DDHD1: variants seen among roughly 807,000 people sequenced by gnomAD.
DDHD1 encodes phospholipase DDHD1.
A neutral mutation model predicts 96.4 loss-of-function variants in DDHD1; 49 were observed. That is an observed-to-expected ratio of 0.51 (90% CI 0.40 to 0.64). The LOEUF (loss-of-function observed/expected upper bound fraction) is 0.64, where lower values mean the gene tolerates loss of function less well. DDHD1 is among the 30% of genes least tolerant of loss of function. The pLI is 0.00. For missense variants in DDHD1, 1,106 were observed against 1,161.2 expected, an observed-to-expected ratio of 0.95 and a Z score of 0.69; for synonymous variants, 442 against 446.5, an observed-to-expected ratio of 0.99 and a Z score of 0.13.
At position 53,059,736 on chromosome 14, in the gene DDHD1, C is replaced by A. The variant is rs532784914; in HGVS notation, c.1843-1110G>T. 2.0e-5 allele frequency among the ~76,000 whole-genome samples: 3 copies of A among 149,458 alleles called. No individual in the cohort carries two copies. In the East Asian group the frequency reaches 6.0e-4, roughly 30 times the overall value. Reference sequence around the variant, plus strand: ...AAAATTAGCTGGGCGTGGTGGCGGGCACCTGTAATCCCAGCTACTCGGGAG... The same window carrying A: ...AAAATTAGCTGGGCGTGGTGGCGGGAACCTGTAATCCCAGCTACTCGGGAG... On this transcript the variant is annotated intron_variant, in intron 8 of 12. Transcript: ENST00000673822.
intron 1 of DDHD1, among the ~76,000 whole-genome samples, chr14:53,106,054 A>G (rs972649231): frequency 6.6e-6 from 1 of 151,956 alleles, no homozygotes; most frequent in Non-Finnish European, 1.5e-5. Context: ...TATCTGGTCA[A>G]TCCATTTAAA....
At chr14:53,138,142 T>C (rs1265426687) in intron 1 of DDHD1, among the ~76,000 whole-genome samples, 1 of 152,240 alleles carries the variant, frequency 6.6e-6, no homozygotes, top group Non-Finnish European at 1.5e-5. Flanking sequence ...CGGTGGCCCA[T>C]GCCTGTAATC....
At chr14:53,091,760 A>G (rs199638458) in intron 4 of DDHD1, 25 bp downstream of exon 4, 1 of 1,609,014 alleles carries the variant, frequency 6.2e-7, no homozygotes, top group Non-Finnish European at 8.5e-7. Flanking sequence ...GATTAGATAT[A>G]CAATGCATTC....
intron 7 of DDHD1, among the ~76,000 whole-genome samples, chr14:53,062,047 A>C (rs1196675539): frequency 6.6e-6 from 1 of 151,832 alleles, no homozygotes; most frequent in African/African-American, 2.4e-5. Flanking sequence ...AAAAAAAAAA[A>C]AAAAAAAAAA....
At chr14:53,079,585 T>C (rs984845991) in intron 4 of DDHD1, among the ~76,000 whole-genome samples, 11 of 152,220 alleles carry the variant, frequency 7.2e-5, no homozygotes, top group African/African-American at 2.7e-4. Flanking sequence ...ATCCTTTTTA[T>C]TTCTGTAAGT....
intron 6 of DDHD1, among the ~76,000 whole-genome samples, chr14:53,066,366 G>A (rs2139885677): frequency 6.6e-6 from 1 of 152,166 alleles, no homozygotes; most frequent in South Asian, 2.1e-4. Context: ...TGGTTGGGCT[G>A]GTCTCGAATT....
At chr14:53,080,122 G>A (rs184528248) in intron 4 of DDHD1, among the ~76,000 whole-genome samples, 2 of 152,174 alleles carry the variant, frequency 1.3e-5, no homozygotes, top group Non-Finnish European at 2.9e-5. Context: ...CACTTTGGGA[G>A]GCCAAGGCAG....
rs1417626495 is a variant in DDHD1, at chr14:53,153,012, G to A, written c.87C>T (p.Asp29=). ...CGCCGCCGCCGAACGCTGGCCTCGC[G>A]TCTGAGCCCAGCTCCCAGGCGCCGC... is the stretch of plus-strand genomic sequence containing the variant. ...GGGGAWELGS[D]ARPAFGGGVC... is the part of the protein sequence containing the mutation. The change falls in exon 1 of 13, where the codon GAC becomes GAT. Residue 29 remains aspartate, a synonymous_variant. Transcript: ENST00000673822. 1.3e-6 allele frequency: 2 copies of A among 1,529,598 alleles called. No individual in the cohort carries two copies. The highest frequency in any genetic ancestry group is 1.8e-6 in the Non-Finnish European group (2 of 1,141,704). 94.8% of individuals were successfully genotyped at this position (1,529,598 alleles called of 1,614,324 possible). A position where few individuals can be genotyped will look rare whatever the true frequency, so the allele number is the denominator to read the frequency against.
chr14:53,098,731 G>C (rs1887076896), intron 2 of DDHD1, among the ~76,000 whole-genome samples: 1 of 151,956 alleles, frequency 6.6e-6, no homozygotes, highest in African/African-American at 2.4e-5. Context: ...ACAGTACGGG[G>C]TATATTTATT....
chr14:53,147,817 G>T (rs534311726), intron 1 of DDHD1, among the ~76,000 whole-genome samples: 1 of 152,232 alleles, frequency 6.6e-6, no homozygotes, highest in African/African-American at 2.4e-5. Context: ...GGTCAGGCAC[G>T]ATCCCTATAG....
At chr14:53,105,480 G>A (rs1311578535) in intron 1 of DDHD1, among the ~76,000 whole-genome samples, 1 of 152,000 alleles carries the variant, frequency 6.6e-6, no homozygotes, top group African/African-American at 2.4e-5. Flanking sequence ...TGTGTCATTT[G>A]GTACCTAGAT....
intron 1 of DDHD1, among the ~76,000 whole-genome samples, chr14:53,106,596 G>A (rs1012042963): frequency 1.3e-5 from 2 of 152,138 alleles, no homozygotes; most frequent in Non-Finnish European, 2.9e-5. Flanking sequence ...GGCGGAGGTT[G>A]CAGTGAGCCA....
At chr14:53,128,575 T>C (rs1374869524) in intron 1 of DDHD1, among the ~76,000 whole-genome samples, 2 of 152,180 alleles carry the variant, frequency 1.3e-5, no homozygotes, top group Non-Finnish European at 2.9e-5. Context: ...TATTTCAACA[T>C]ACAAATTTTG....
At chr14:53,077,668 TG>T (rs147830976) in intron 4 of DDHD1, among the ~76,000 whole-genome samples, 81,016 of 127,922 alleles carry the variant, frequency 0.63, 23,678 homozygotes, top group South Asian at 0.75. Context: ...TTTTTGTTTT[TG>T]TTTTTTTTTT....
At chr14:53,050,836 T>A (rs949017998) in intron 12 of DDHD1, among the ~76,000 whole-genome samples, 3 of 152,070 alleles carry the variant, frequency 2.0e-5, no homozygotes, top group African/African-American at 7.2e-5. Context: ...CTAGGTAGGA[T>A]GGTTTTGAGA....
intron 2 of DDHD1, among the ~76,000 whole-genome samples, chr14:53,098,894 TTA>T (rs1365206456): frequency 6.6e-6 from 1 of 152,134 alleles, no homozygotes; most frequent in African/African-American, 2.4e-5. Flanking sequence ...TCTGTGATTT[TTA>T]TAGTCAGGTC....
chr14:53,044,757 ATGT>A lies in DDHD1; in HGVS notation c.*2008_*2010del, dbSNP rs745660742. 5 of 152,324 alleles carry A rather than the reference ATGT, an allele frequency of 3.3e-5. No individual in the cohort carries two copies. The East Asian group carries it at 5.8e-4, about 18-fold the overall frequency. The allele number at this position is 152,324 out of a possible 1,614,324, so 9.4% of individuals were successfully genotyped here. Reference sequence around the variant, plus strand: ...TTTAAACATTAAAAAGAAGTGCTTTATGTTGTTGTGCAAATTCAGCAAAAGGCC... The same window carrying A: ...TTTAAACATTAAAAAGAAGTGCTTTATGTTGTGCAAATTCAGCAAAAGGCC... On this transcript the variant is annotated 3_prime_UTR_variant, in exon 13 of 13. Coordinates refer to ENST00000673822, the MANE Select transcript of DDHD1 (RefSeq NM_001160148.2).
In DDHD1 at chr14:53,103,115, AT is replaced by A; in HGVS notation, c.1012+567del. ...CCACATATTTTGAAGTTTACTCAAG[AT>A]TTAGACACACAATGAAAATGTGGCA... is the stretch of plus-strand genomic sequence containing the variant. On this transcript the variant is annotated intron_variant, in intron 2 of 12. Coordinates refer to ENST00000673822, the MANE Select transcript of DDHD1 (RefSeq NM_001160148.2). 3 of 1,492,542 alleles carry A rather than the reference AT, an allele frequency of 2.0e-6. No homozygotes were observed. The South Asian group carries it at 3.7e-5, about 18-fold the overall frequency. 92.5% of individuals were successfully genotyped at this position (1,492,542 alleles called of 1,614,324 possible). A position where few individuals can be genotyped will look rare whatever the true frequency, so the allele number is the denominator to read the frequency against.
At chr14:53,109,875 T>C (rs1887978663) in intron 1 of DDHD1, among the ~76,000 whole-genome samples, 1 of 152,188 alleles carries the variant, frequency 6.6e-6, no homozygotes, top group South Asian at 2.1e-4. Flanking sequence ...TACTACATAA[T>C]ACAACCTATA....
Sources: allele counts gnomAD v4.1 joint callset (sites outside exome capture counted in the v4.1 genomes callset), GRCh38; gene constraint gnomAD v4.1.1; transcripts MANE v1.5; gene names NCBI Gene and HGNC (gene_info 2026-07-23, HGNC 2026-07-21).